ZBTB7C: variants seen among roughly 807,000 people sequenced by gnomAD.
ZBTB7C encodes zinc finger and BTB domain containing 7C.
Under a neutral mutation model 25.7 loss-of-function variants are expected in ZBTB7C, and 8 were observed. That is an observed-to-expected ratio of 0.31 (90% CI 0.18 to 0.56). The LOEUF is 0.56. Among genes scored for constraint, ZBTB7C ranks in the 20% least tolerant of loss-of-function variants. ZBTB7C has a pLI of 0.91. For missense variants in ZBTB7C, 824 were observed against 855.2 expected, an observed-to-expected ratio of 0.96 and a Z score of 0.46; for synonymous variants, 394 against 369.0, an observed-to-expected ratio of 1.07 and a Z score of -0.78.
At chr18:48,218,927 T>C (rs1250818314) in intron 2 of ZBTB7C, among the ~76,000 whole-genome samples, 2 of 152,080 alleles carry the variant, frequency 1.3e-5, no homozygotes, top group East Asian at 3.9e-4. Flanking sequence ...AAAAGGCATG[T>C]GGCAGAGACC....
At chr18:48,030,512 TTGTC>T (rs1212746740) in intron 4 of ZBTB7C, among the ~76,000 whole-genome samples, 3 of 152,222 alleles carry the variant, frequency 2.0e-5, no homozygotes, top group African/African-American at 4.8e-5. Context: ...GCTCTCCTCT[TTGTC>T]TGTAGACAAT....
intron 1 of ZBTB7C, among the ~76,000 whole-genome samples, chr18:48,356,355 G>A (rs1290695560): frequency 1.3e-5 from 2 of 152,088 alleles, no homozygotes; most frequent in African/African-American, 4.8e-5. Context: ...TCCTCCAAAG[G>A]GCTCTCCTGT....
At chr18:48,332,983 T>C (rs1380894716) in intron 2 of ZBTB7C, among the ~76,000 whole-genome samples, 1 of 152,180 alleles carries the variant, frequency 6.6e-6, no homozygotes, top group African/African-American at 2.4e-5. Flanking sequence ...CCAATCAGCA[T>C]AATTAAATAG....
chr18:48,348,003 G>A lies in ZBTB7C; in HGVS notation c.-303-9605C>T, dbSNP rs115063996. Among the ~76,000 whole-genome samples, 568 of 152,346 alleles carry A rather than the reference G, an allele frequency of 3.7e-3. 2 individuals are homozygous for A. Among genetic ancestry groups the A allele is most frequent in the African/African-American group, 0.013 (540 of 41,582 alleles). On this transcript the variant is annotated intron_variant, in intron 1 of 4. Coordinates refer to ENST00000590800, the MANE Select transcript of ZBTB7C (RefSeq NM_001318841.2). ...CCCACAGCCCTGTTGGCCTGCCCCA[G>A]GGAGCAGCATGGTAGCAATGACATG...
chr18:48,155,248 C>T (rs575587017), intron 3 of ZBTB7C, among the ~76,000 whole-genome samples: 33 of 150,822 alleles, frequency 2.2e-4, no homozygotes, highest in South Asian at 1.0e-3. Context: ...ATTTTTCTCT[C>T]GGGTGCTTGG....
At chr18:48,090,838 G>T (rs982825941) in intron 3 of ZBTB7C, among the ~76,000 whole-genome samples, 1 of 152,176 alleles carries the variant, frequency 6.6e-6, no homozygotes, top group East Asian at 1.9e-4. Flanking sequence ...CTTGTCAGAT[G>T]ACTCCAGCCC....
chr18:48,048,490 G>T (rs574364912), intron 3 of ZBTB7C, among the ~76,000 whole-genome samples: 1 of 152,160 alleles, frequency 6.6e-6, no homozygotes. Flanking sequence ...TGACATCTTC[G>T]CTTCACCACC....
chr18:48,279,272 G>A (rs1179616688), intron 2 of ZBTB7C, among the ~76,000 whole-genome samples: 2 of 152,142 alleles, frequency 1.3e-5, no homozygotes, highest in Non-Finnish European at 2.9e-5. Flanking sequence ...TCTCTTTCCA[G>A]TCTGAAGTGA....
chr18:48,092,613 C>G (rs916405383), intron 3 of ZBTB7C, among the ~76,000 whole-genome samples: 1 of 152,130 alleles, frequency 6.6e-6, no homozygotes, highest in African/African-American at 2.4e-5. Context: ...AGTTCTCATA[C>G]CACTTTAATA....
intron 4 of ZBTB7C, among the ~76,000 whole-genome samples, chr18:48,038,549 T>C (rs1217363903): frequency 7.0e-6 from 1 of 141,996 alleles, no homozygotes; most frequent in African/African-American, 2.7e-5. Flanking sequence ...GGACTCATCT[T>C]TTTTTTTTTT....
intron 2 of ZBTB7C, among the ~76,000 whole-genome samples, chr18:48,296,686 G>C (rs1461173663): frequency 6.6e-6 from 1 of 152,148 alleles, no homozygotes; most frequent in Non-Finnish European, 1.5e-5. Flanking sequence ...AGTCTGTCTA[G>C]AGCAGGGGTC....
At chr18:48,112,751 CTA>C (rs1199896878) in intron 3 of ZBTB7C, among the ~76,000 whole-genome samples, 1 of 152,138 alleles carries the variant, frequency 6.6e-6, no homozygotes, top group African/African-American at 2.4e-5. Context: ...AATCCATGGG[CTA>C]TGTTTGTATA....
Position 48,027,400 on chromosome 18 carries a change from GCC to G in ZBTB7C, c.*1858_*1859del, listed in dbSNP as rs1343475266. On this transcript the variant is annotated 3_prime_UTR_variant, in exon 5 of 5. Coordinates refer to ENST00000590800, the MANE Select transcript of ZBTB7C (RefSeq NM_001318841.2). ...TTCCTCTCTTTTAAAGTCTGGTTCA[GCC>G]CCAATCACTTGGCTGATGGGGGGGA... 2.0e-5 allele frequency: 3 copies of G among 148,914 alleles called. No individual in the cohort carries two copies. In the Admixed American group the frequency reaches 2.0e-4, roughly 10 times the overall value. The allele number at this position is 148,914 out of a possible 1,614,324, so 9.2% of individuals were successfully genotyped here.
chr18:48,050,374 C>A (rs2036635947), intron 3 of ZBTB7C, among the ~76,000 whole-genome samples: 1 of 152,268 alleles, frequency 6.6e-6, no homozygotes, highest in Non-Finnish European at 1.5e-5. Flanking sequence ...GCTACTTCAA[C>A]TTTTAGCCTG....
rs1474197046 is a variant in ZBTB7C at position 48,027,431 on chromosome 18, C to CG, written c.*1828dup. On this transcript the variant is annotated 3_prime_UTR_variant, in exon 5 of 5. Transcript: ENST00000590800. ...ATCACTTGGCTGATGGGGGGGAACA[C>CG]GGGGGCACGTTGGCTGGTGGACATG... 1 of 150,136 alleles carries CG rather than the reference C, an allele frequency of 6.7e-6. No homozygotes were observed. The highest frequency in any genetic ancestry group is 2.5e-5 in the African/African-American group (1 of 40,650). 9.3% of individuals were successfully genotyped at this position (150,136 alleles called of 1,614,324 possible).
chr18:48,032,422 G>GTTTTTTTTTTTTTTT (rs71165309), intron 4 of ZBTB7C, among the ~76,000 whole-genome samples: 1 of 65,060 alleles, frequency 1.5e-5, no homozygotes, highest in Non-Finnish European at 2.8e-5. Context: ...GACAAGGTAG[G>GTTTTTTTTTTTTTTT]TTTTTTTTTT....
chr18:48,068,253 C>T (rs2144375543), intron 3 of ZBTB7C, among the ~76,000 whole-genome samples: 1 of 151,734 alleles, frequency 6.6e-6, no homozygotes, highest in Non-Finnish European at 1.5e-5. Context: ...ATTCTCTTGC[C>T]TCAGCCTCCC....
chr18:48,294,476 C>T (rs576255914), intron 2 of ZBTB7C, among the ~76,000 whole-genome samples: 1 of 152,202 alleles, frequency 6.6e-6, no homozygotes, highest in South Asian at 2.1e-4. Context: ...TCCTCTGGTG[C>T]CAGTGCTGGG....
chr18:48,302,521 G>A (rs778286788), intron 2 of ZBTB7C, among the ~76,000 whole-genome samples: 83 of 152,160 alleles, frequency 5.5e-4, no homozygotes, highest in South Asian at 2.1e-3. Flanking sequence ...AATGAAAGCA[G>A]TTCCTCCCCT....
Sources: gnomAD v4.1 joint callset for allele counts (sites outside exome capture counted in the v4.1 genomes callset) on GRCh38, gnomAD v4.1.1 for gene constraint, MANE v1.5 for transcripts, NCBI Gene and HGNC (gene_info 2026-07-23, HGNC 2026-07-21) for gene names.